Variants in SBF2 observed in about 807,000 individuals in gnomAD.
The protein encoded by SBF2 is SET binding factor 2, also known as myotubularin-related protein 13.
In SBF2, 112 loss-of-function variants were observed where a neutral mutation model predicts 225.2. The ratio of observed to expected loss-of-function variants is 0.50; its 90% CI spans 0.43 to 0.58. The LOEUF (loss-of-function observed/expected upper bound fraction) is 0.58, where lower values mean the gene tolerates loss of function less well. SBF2 is among the 20% of genes least tolerant of loss of function. The pLI, the probability that SBF2 is intolerant of heterozygous loss-of-function variation, is 0.00. For missense variants in SBF2, 1,996 were observed against 2,206.2 expected (o/e 0.90, Z 1.91); for synonymous variants, 763 against 773.3 (o/e 0.99, Z 0.22).
chr11:10,274,052 C>G (rs1031344494), intron 1 of SBF2, among the ~76,000 whole-genome samples: 1 of 152,186 alleles, frequency 6.6e-6, no homozygotes, highest in Non-Finnish European at 1.5e-5. Flanking sequence ...TTATTTTTAA[C>G]CTTTAGAAAA....
intron 2 of SBF2, among the ~76,000 whole-genome samples, chr11:10,152,685 G>T (rs533885970): frequency 7.9e-5 from 12 of 152,226 alleles, no homozygotes; most frequent in African/African-American, 2.9e-4. Context: ...CTACTCAAAG[G>T]TGAGAACAAT....
chr11:9,832,493 G>T, intron 26 of SBF2, 73 bp from the exon 27 acceptor site: 2 of 1,044,880 alleles, frequency 1.9e-6, no homozygotes, highest in South Asian at 1.3e-5. Context: ...GAAAGGAAAT[G>T]AGAGAAGAGG....
intron 2 of SBF2, among the ~76,000 whole-genome samples, chr11:10,158,096 G>A (rs956734819): frequency 8.6e-5 from 13 of 151,942 alleles, no homozygotes; most frequent in East Asian, 3.9e-4. Context: ...CCAATGTATC[G>A]AAGAATAAAC....
At chr11:9,828,078 G>T in intron 28 of SBF2, 1 of 1,116,252 alleles carries the variant, frequency 9.0e-7, no homozygotes, top group Non-Finnish European at 1.2e-6. Context: ...AATGCTTTCT[G>T]CTTTTAAGCT....
At chr11:10,043,766 G>A (rs1375384683) in intron 2 of SBF2, among the ~76,000 whole-genome samples, 1 of 151,990 alleles carries the variant, frequency 6.6e-6, no homozygotes. Context: ...TAGAGAAAGG[G>A]TCTTTCCATG....
chr11:9,994,052 T>C, intron 9 of SBF2, 54 bp from the exon 10 acceptor site: 3 of 1,100,306 alleles, frequency 2.7e-6, no homozygotes, highest in Non-Finnish European at 4.2e-6. Flanking sequence ...TGAAATCTAT[T>C]ATTGAGACAT....
chr11:9,940,478 A>G (rs532481266), intron 16 of SBF2, among the ~76,000 whole-genome samples: 135 of 152,292 alleles, frequency 8.9e-4, no homozygotes, highest in African/African-American at 2.8e-3. Flanking sequence ...GTCTAATACC[A>G]AAGTCTGAGC....
chr11:10,070,800 T>C (rs1005423256), intron 2 of SBF2, among the ~76,000 whole-genome samples: 7 of 152,240 alleles, frequency 4.6e-5, no homozygotes, highest in African/African-American at 1.4e-4. Context: ...GAGCATGGAA[T>C]GTTTTTCCAT....
chr11:10,120,652 G>A (rs1210606563), intron 2 of SBF2, among the ~76,000 whole-genome samples: 4 of 151,852 alleles, frequency 2.6e-5, no homozygotes, highest in African/African-American at 4.8e-5. Flanking sequence ...ACAGAGTCTC[G>A]CTCTGTCACC....
intron 1 of SBF2, among the ~76,000 whole-genome samples, chr11:10,289,940 C>A (rs560599301): frequency 1.3e-5 from 2 of 152,216 alleles, no homozygotes; most frequent in Admixed American, 6.5e-5. Flanking sequence ...GCAGTACAGT[C>A]GGCTGCCTCA....
intron 18 of SBF2, 26 bp downstream of exon 18, chr11:9,858,200 A>C: frequency 1.2e-6 from 2 of 1,613,382 alleles, no homozygotes; most frequent in Non-Finnish European, 1.7e-6. Flanking sequence ...ATCCCACACA[A>C]TTAGAGTTCT....
At position 9,936,231 on chromosome 11, in the gene SBF2, C is replaced by T. The variant is rs548453508; in HGVS notation, c.1860+25726G>A. On this transcript the variant is annotated intron_variant, in intron 16 of 39. Transcript: ENST00000256190. Reference sequence around the variant, plus strand: ...TCATCATCATTGGTCATCAGAGAAACGCAAATCAAAACCACAATGAGATAC... The same window carrying T: ...TCATCATCATTGGTCATCAGAGAAATGCAAATCAAAACCACAATGAGATAC... 4.9e-3 allele frequency among the ~76,000 whole-genome samples: 739 copies of T among 152,230 alleles called. 4 individuals carry two copies. The highest frequency in any genetic ancestry group is 6.8e-3 in the Middle Eastern group (2 of 294).
intron 35 of SBF2, among the ~76,000 whole-genome samples, chr11:9,788,761 ATTTT>A (rs148717661): frequency 2.2e-5 from 3 of 134,834 alleles, no homozygotes; most frequent in Admixed American, 7.4e-5. Context: ...CGCCCGGCTA[ATTTT>A]TTTTTTTTTT....
At position 9,852,734 on chromosome 11, in the gene SBF2, T is replaced by G; in HGVS notation, c.2552A>C (p.His851Pro). ...HCMIPGIVAMHIETLEAVHRE... is the reference protein window; with the variant it reads ...HCMIPGIVAMPIETLEAVHRE... The stretch of plus-strand genomic sequence containing the variant: ...ATGTACTGCTTCTAGGGTCTCAATG[T>G]GCATAGCTACAATTCCTAGGATGAG... Residue 851 changes from histidine to proline, a missense_variant, in exon 21 of 40, where the codon CAC becomes CCC. His to Pro is a moderately conservative substitution (Grantham distance 77). Transcript: ENST00000256190. 6.2e-7 allele frequency: 1 copy of G among 1,612,252 alleles called. No individual in the cohort carries two copies.
intron 16 of SBF2, among the ~76,000 whole-genome samples, chr11:9,955,824 C>T (rs187263060): frequency 5.3e-5 from 8 of 151,812 alleles, no homozygotes; most frequent in East Asian, 3.9e-4. Context: ...CTCTGTGTCC[C>T]GCAGAGGTAA....
At chr11:9,851,604 A>T (rs924502804) in intron 21 of SBF2, among the ~76,000 whole-genome samples, 1 of 152,206 alleles carries the variant, frequency 6.6e-6, no homozygotes, top group Non-Finnish European at 1.5e-5. Context: ...ATTTTTTACT[A>T]AGCAATAAAA....
chr11:10,226,624 C>T (rs1473840215), intron 1 of SBF2, among the ~76,000 whole-genome samples: 1 of 152,156 alleles, frequency 6.6e-6, no homozygotes, highest in Non-Finnish European at 1.5e-5. Flanking sequence ...ATGATGGTTT[C>T]TAGCTTCATC....
chr11:10,000,761 A>C (rs537153796), intron 8 of SBF2, among the ~76,000 whole-genome samples, 153 bp downstream of exon 8: 1 of 152,320 alleles, frequency 6.6e-6, no homozygotes, highest in East Asian at 1.9e-4. Context: ...ATTAATATAC[A>C]GACTTTTCAA....
At chr11:9,961,705 A>G (rs189541735) in intron 16 of SBF2, 244 of 383,512 alleles carry the variant, frequency 6.4e-4, no homozygotes, top group Admixed American at 2.1e-3. Context: ...TCATTTTCAA[A>G]GAACTTGCTT....
Sources: allele counts gnomAD v4.1 joint callset (sites outside exome capture counted in the v4.1 genomes callset), GRCh38; gene constraint gnomAD v4.1.1; transcripts MANE v1.5; gene names NCBI Gene and HGNC (gene_info 2026-07-23, HGNC 2026-07-21).